SLCO3A1: variants seen among roughly 807,000 people sequenced by gnomAD.
The protein encoded by SLCO3A1 is PGE1 transporter.
Under a neutral mutation model 63.1 loss-of-function variants are expected in SLCO3A1, and 27 were observed. The observed-to-expected ratio is 0.43, with a 90% CI of 0.32 to 0.59. The LOEUF is 0.59. Ranked by LOEUF, SLCO3A1 falls within the 20% of genes least tolerant of loss-of-function variation. The probability of loss-of-function intolerance (pLI) is 0.09; values close to 1 mark genes in which losing one functional copy is unlikely to be tolerated. For missense variants in SLCO3A1, 773 were observed against 945.8 expected (o/e 0.82, Z 2.40); for synonymous variants, 473 against 409.9 (o/e 1.15, Z -1.86).
chr15:92,126,526 T>A (rs1432635741), intron 6 of SLCO3A1, among the ~76,000 whole-genome samples: 1 of 152,184 alleles, frequency 6.6e-6, no homozygotes, highest in African/African-American at 2.4e-5. Flanking sequence ...TTTTGGCATT[T>A]GACTTTAGGA....
chr15:92,160,984 G>A (rs1005815269), intron 9 of SLCO3A1, among the ~76,000 whole-genome samples: 2 of 152,118 alleles, frequency 1.3e-5, no homozygotes, highest in Non-Finnish European at 2.9e-5. Flanking sequence ...ATTTTGCTGG[G>A]CTATGGGTCT....
rs148635924 is a variant in SLCO3A1, at chr15:91,886,852, A to G, written c.181-29141A>G. Among the ~76,000 whole-genome samples the G allele has an allele frequency of 3.9e-5, 6 of 152,330 alleles. No homozygotes were observed. The highest frequency in any genetic ancestry group is 6.5e-5 in the Admixed American group (1 of 15,304). Reference sequence around the variant, plus strand: ...TGGCAGGTGCTGACAAGTGCCTTATATATTCTGTTTCTAGTCTTGCAATTT... The same window carrying G: ...TGGCAGGTGCTGACAAGTGCCTTATGTATTCTGTTTCTAGTCTTGCAATTT... On this transcript the variant is annotated intron_variant, in intron 1 of 9. Coordinates refer to ENST00000318445, the MANE Select transcript of SLCO3A1 (RefSeq NM_013272.4). This position sits in a 1 kb window ranked among gnomAD's most constrained non-coding sequence, Gnocchi z 4.9.
At chr15:92,147,302 C>T (rs2048240068) in intron 8 of SLCO3A1, 143 bp downstream of exon 8, 3 of 757,988 alleles carry the variant, frequency 4.0e-6, no homozygotes, top group Non-Finnish European at 6.3e-6. Flanking sequence ...CTTCTCTAGG[C>T]TGATAGGAAT....
rs977399888 is a variant in SLCO3A1, at chr15:91,886,812, A to G, written c.181-29181A>G. Among the ~76,000 whole-genome samples the G allele has an allele frequency of 6.6e-6, 1 of 152,208 alleles. No homozygotes were observed. Among genetic ancestry groups the G allele is most frequent in the African/African-American group, 2.4e-5 (1 of 41,448 alleles). ...GAATGTGAGTAATCATGGGTATTTA[A>G]TGAGCTCTGCAAGATGGCAGGTGCT... On this transcript the variant is annotated intron_variant, in intron 1 of 9. Coordinates refer to ENST00000318445, the MANE Select transcript of SLCO3A1 (RefSeq NM_013272.4). The surrounding 1 kb of genome is among the most constrained non-coding windows in gnomAD (Gnocchi z 4.9).
intron 10 of SLCO3A1, chr15:92,171,742 T>C: frequency 7.0e-7 from 1 of 1,432,924 alleles, no homozygotes; most frequent in South Asian, 1.2e-5. Flanking sequence ...GACCGATCTC[T>C]TTTTCCTCTT....
At chr15:92,054,994 A>G (rs1481902881) in intron 2 of SLCO3A1, among the ~76,000 whole-genome samples, 2 of 152,108 alleles carry the variant, frequency 1.3e-5, no homozygotes, top group East Asian at 3.8e-4. Context: ...GTCAAATGGG[A>G]ATTCTGGTTC....
In SLCO3A1 at chr15:91,935,049, G is replaced by T. The variant is rs113840131; in HGVS notation, c.646+18591G>T. On this transcript the variant is annotated intron_variant, in intron 2 of 9. Transcript: ENST00000318445. ...GCTCACTGCAACCTCCGCCTCCTGG[G>T]TTCAAGCAATTTTCCTGCCTCAGCC... Among the ~76,000 whole-genome samples, 1,188 of 152,314 alleles carry T rather than the reference G, an allele frequency of 7.8e-3. 23 individuals are homozygous for T. The highest frequency in any genetic ancestry group is 0.027 in the African/African-American group (1,142 of 41,562).
At chr15:92,141,342 G>T (rs1596138164) in intron 7 of SLCO3A1, among the ~76,000 whole-genome samples, 3 of 152,166 alleles carry the variant, frequency 2.0e-5, no homozygotes, top group Admixed American at 1.3e-4. Context: ...CTAGTTAATT[G>T]TCTTAGGGAC....
At chr15:92,099,141 G>A (rs114199971) in intron 3 of SLCO3A1, among the ~76,000 whole-genome samples, 1,588 of 152,288 alleles carry the variant, frequency 0.01, 27 homozygotes, top group African/African-American at 0.035. Flanking sequence ...AGCCGGCCTC[G>A]CAGAAGGCTG....
intron 2 of SLCO3A1, among the ~76,000 whole-genome samples, chr15:91,953,389 A>G (rs1190921305): frequency 1.3e-5 from 2 of 152,174 alleles, no homozygotes; most frequent in East Asian, 3.9e-4. Context: ...CAGTGAGGCT[A>G]GAGTGCAGAG....
chr15:92,167,350 C>G (rs972727443), downstream of SLCO3A1, among the ~76,000 whole-genome samples: 1 of 152,214 alleles, frequency 6.6e-6, no homozygotes, highest in African/African-American at 2.4e-5. Flanking sequence ...ACCGTTCCCC[C>G]TTAGGTTAGA....
In SLCO3A1 at chr15:92,013,275, G is replaced by T. The variant is rs150330697; in HGVS notation, c.647-81606G>T. On this transcript the variant is annotated intron_variant, in intron 2 of 9. Transcript: ENST00000318445. ...CTCTCGGCAGCATGGATTGATATTGGTATCTCATTTCGTGGATGAATAGAG... is the reference window on the plus strand; with the variant it reads ...CTCTCGGCAGCATGGATTGATATTGTTATCTCATTTCGTGGATGAATAGAG... Among the ~76,000 whole-genome samples the T allele has an allele frequency of 7.2e-5, 11 of 152,212 alleles. No homozygotes were observed. The East Asian group carries it at 2.1e-3, about 29-fold the overall frequency.
chr15:91,999,487 A>T (rs1472981581), intron 2 of SLCO3A1, among the ~76,000 whole-genome samples: 1 of 152,218 alleles, frequency 6.6e-6, no homozygotes, highest in Admixed American at 6.5e-5. Context: ...TAATGAGCAT[A>T]AAAAACATGC....
intron 2 of SLCO3A1, among the ~76,000 whole-genome samples, chr15:91,979,961 C>G (rs1329554621): frequency 6.6e-6 from 1 of 152,202 alleles, no homozygotes; most frequent in Non-Finnish European, 1.5e-5. Context: ...CTGAGCTTCA[C>G]TTAAGCAAGC....
Position 92,153,114 on chromosome 15 carries a change from G to A in SLCO3A1, c.1753+2100G>A, listed in dbSNP as rs1312434753. ...TTCAATATCTGTATGTCTGCCCCAG[G>A]AATAATCAACCAGGTATTACCTAGA... On this transcript the variant is annotated intron_variant, in intron 9 of 9. Coordinates refer to ENST00000318445, the MANE Select transcript of SLCO3A1 (RefSeq NM_013272.4). 2.6e-5 allele frequency among the ~76,000 whole-genome samples: 4 copies of A among 152,012 alleles called. No individual in the cohort carries two copies. In the East Asian group the frequency reaches 7.7e-4, roughly 29 times the overall value.
At chr15:92,131,308 T>C (rs2047992813) in intron 7 of SLCO3A1, among the ~76,000 whole-genome samples, 1 of 151,942 alleles carries the variant, frequency 6.6e-6, no homozygotes, top group Admixed American at 6.6e-5. Flanking sequence ...TTATTTGGCC[T>C]TTACCATCTG....
intron 1 of SLCO3A1, among the ~76,000 whole-genome samples, chr15:91,884,630 A>G (rs1897677999): frequency 6.6e-6 from 1 of 152,142 alleles, no homozygotes; most frequent in African/African-American, 2.4e-5. Context: ...GTGAATCACT[A>G]CAATCAAATT....
At chr15:91,988,889 C>T (rs1260031419) in intron 2 of SLCO3A1, among the ~76,000 whole-genome samples, 2 of 152,172 alleles carry the variant, frequency 1.3e-5, no homozygotes, top group African/African-American at 4.8e-5. Flanking sequence ...AGGATACAGT[C>T]CAATCATGGC....
chr15:91,856,240 A>C lies in SLCO3A1; in HGVS notation c.180+2152A>C, dbSNP rs1488929261. On this transcript the variant is annotated intron_variant, in intron 1 of 9. Transcript: ENST00000318445. This position sits in a 1 kb window ranked among gnomAD's most constrained non-coding sequence, Gnocchi z 4.9. ...TGGGTGGGGTAGGGTAACAGGAGTC[A>C]ACAGGTGACTTGCAGAAAGCAGCTG... Among the ~76,000 whole-genome samples, 1 of 152,066 alleles carries C rather than the reference A, an allele frequency of 6.6e-6. No homozygotes were observed. The highest frequency in any genetic ancestry group is 1.9e-4 in the East Asian group (1 of 5,168).
Sources: allele counts gnomAD v4.1 joint callset (sites outside exome capture counted in the v4.1 genomes callset), GRCh38; gene constraint gnomAD v4.1.1; non-coding constraint Gnocchi (gnomAD v3.1); transcripts MANE v1.5; gene names NCBI Gene and HGNC (gene_info 2026-07-23, HGNC 2026-07-21).